The following KCND3 variants were observed in gnomAD, a reference collection of about 807,000 sequenced individuals.
KCND3 encodes the protein potassium voltage-gated channel subfamily D member 3, also known as A-type voltage-gated potassium channel KCND3.
In KCND3, 9 loss-of-function variants were observed where a neutral mutation model predicts 51.1. The observed-to-expected ratio is 0.18, with a 90% CI of 0.11 to 0.31. KCND3 has a LOEUF of 0.31. Ranked by LOEUF, KCND3 falls within the 10% of genes least tolerant of loss-of-function variation. The probability of loss-of-function intolerance (pLI) is 1.00; values close to 1 mark genes in which losing one functional copy is unlikely to be tolerated. For missense variants in KCND3, 526 were observed against 903.8 expected, an observed-to-expected ratio of 0.58 and a Z score of 5.36; for synonymous variants, 349 against 368.0, an observed-to-expected ratio of 0.95 and a Z score of 0.59.
At chr1:111,861,171 G>A (rs761521619) in intron 2 of KCND3, among the ~76,000 whole-genome samples, 17 of 152,142 alleles carry the variant, frequency 1.1e-4, no homozygotes, top group Non-Finnish European at 2.2e-4. Context: ...GAAGGGGGGC[G>A]GGGCGTGGGG....
At chr1:111,813,104 A>T (rs914301466) in intron 2 of KCND3, among the ~76,000 whole-genome samples, 1 of 152,014 alleles carries the variant, frequency 6.6e-6, no homozygotes, top group Non-Finnish European at 1.5e-5. Flanking sequence ...GCAGGTGAGG[A>T]GTTTGCCTGG....
At chr1:111,951,275 G>A (rs1348499456) in intron 2 of KCND3, among the ~76,000 whole-genome samples, 6 of 151,614 alleles carry the variant, frequency 4.0e-5, no homozygotes, top group Non-Finnish European at 5.9e-5. Context: ...ATCACTGCTG[G>A]TAAGTGGCCC....
chr1:111,911,267 A>G (rs939873378), intron 2 of KCND3, among the ~76,000 whole-genome samples: 1 of 152,206 alleles, frequency 6.6e-6, no homozygotes, highest in Non-Finnish European at 1.5e-5. Context: ...GATTAAAATG[A>G]TATGTTTCAG....
chr1:111,853,229 G>GAGGCAAGTCATTTCATCTT (rs1553247453), intron 2 of KCND3, among the ~76,000 whole-genome samples: 10 of 152,216 alleles, frequency 6.6e-5, no homozygotes, highest in Admixed American at 6.5e-4. Flanking sequence ...ATCACAACTT[G>GAGGCAAGTCATTTCATCTT]AGGCAAGTCA....
At chr1:111,830,499 G>T (rs1490786880) in intron 2 of KCND3, among the ~76,000 whole-genome samples, 1 of 152,190 alleles carries the variant, frequency 6.6e-6, no homozygotes, top group Non-Finnish European at 1.5e-5. Flanking sequence ...GGGCCCTTGA[G>T]TGCAAAATTT....
At chr1:111,986,003 A>G (rs1256681838) in intron 1 of KCND3, among the ~76,000 whole-genome samples, 1 of 152,258 alleles carries the variant, frequency 6.6e-6, no homozygotes, top group South Asian at 2.1e-4. Context: ...TAGAAGAGTC[A>G]GGAACACATC....
At chr1:111,809,941 C>A (rs766838659) in intron 2 of KCND3, among the ~76,000 whole-genome samples, 4 of 152,196 alleles carry the variant, frequency 2.6e-5, no homozygotes, top group Non-Finnish European at 1.5e-5. Flanking sequence ...TTTGGACCAA[C>A]CAAATGGTTT....
Position 111,780,211 on chromosome 1 carries a change from G to A in KCND3, c.1461+14C>T, listed in dbSNP as rs1264339099. On this transcript the variant is annotated intron_variant, in intron 5 of 7. Coordinates refer to ENST00000302127, the MANE Select transcript of KCND3 (RefSeq NM_001378969.1). This position sits in a 1 kb window ranked among gnomAD's most constrained non-coding sequence, Gnocchi z 4.2. ...TCAGCGATGAAAAGGAGGTGGCAAA[G>A]GGCTGGGACTCACAGTGGTTTTTTC... 1 of 1,573,784 alleles carries A rather than the reference G, an allele frequency of 6.4e-7. No individual in the cohort carries two copies. Among genetic ancestry groups the A allele is most frequent in the Admixed American group, 1.8e-5 (1 of 54,252 alleles).
intron 5 of KCND3, among the ~76,000 whole-genome samples, chr1:111,779,185 C>CTTCG: frequency 6.6e-6 from 1 of 152,164 alleles, no homozygotes; most frequent in Non-Finnish European, 1.5e-5. Flanking sequence ...CGAAGCCAGG[C>CTTCG]ATGGTGGTCT....
chr1:111,903,443 C>T (rs1670488378), intron 2 of KCND3, among the ~76,000 whole-genome samples: 1 of 152,212 alleles, frequency 6.6e-6, no homozygotes, highest in African/African-American at 2.4e-5. Flanking sequence ...CCAACTGTGG[C>T]CAAGCCTCCG....
intron 3 of KCND3, 132 bp downstream of exon 3, chr1:111,786,812 G>T: frequency 9.2e-7 from 1 of 1,083,348 alleles, no homozygotes; most frequent in Non-Finnish European, 1.4e-6. Context: ...GGAAGGGACT[G>T]AAGCTACCTT....
At position 111,957,944 on chromosome 1, in the gene KCND3, G is replaced by A. The variant is rs149545195; in HGVS notation, c.1106+23677C>T. Among the ~76,000 whole-genome samples the A allele has an allele frequency of 6.0e-4, 92 of 152,276 alleles. 2 individuals carry two copies. The East Asian group carries it at 0.014, about 24-fold the overall frequency. On this transcript the variant is annotated intron_variant, in intron 2 of 7. Transcript: ENST00000302127. ...AGGGCATGTTGGTGGGGTAAAAAGA[G>A]GGGGGAAAGCACTCTCCAGTTGAGG...
intron 2 of KCND3, among the ~76,000 whole-genome samples, chr1:111,928,451 C>A (rs980166388): frequency 6.6e-6 from 1 of 152,156 alleles, no homozygotes; most frequent in Non-Finnish European, 1.5e-5. Context: ...TGGAAAGCAG[C>A]GGGAATGAAG....
chr1:111,933,886 A>G (rs1402831778), intron 2 of KCND3, among the ~76,000 whole-genome samples: 1 of 152,232 alleles, frequency 6.6e-6, no homozygotes, highest in Non-Finnish European at 1.5e-5. Flanking sequence ...ATCTGTCTAC[A>G]CTGCCCAAGA....
intron 2 of KCND3, among the ~76,000 whole-genome samples, chr1:111,814,129 C>T (rs1046487112): frequency 6.6e-6 from 1 of 152,224 alleles, no homozygotes; most frequent in South Asian, 2.1e-4. Context: ...CAATCCAAGA[C>T]AGATCTGTGA....
At chr1:111,822,265 T>C (rs1571693936) in intron 2 of KCND3, among the ~76,000 whole-genome samples, 1 of 152,320 alleles carries the variant, frequency 6.6e-6, no homozygotes, top group Middle Eastern at 3.4e-3. Context: ...CTATGTGTGA[T>C]TTTTAGGCGT....
At chr1:111,973,950 A>G (rs1674482784) in intron 2 of KCND3, among the ~76,000 whole-genome samples, 1 of 152,188 alleles carries the variant, frequency 6.6e-6, no homozygotes, top group African/African-American at 2.4e-5. Flanking sequence ...GGTGGCACTT[A>G]TATTAAAATG....
At chr1:111,857,342 G>A (rs570335871) in intron 2 of KCND3, among the ~76,000 whole-genome samples, 4 of 152,272 alleles carry the variant, frequency 2.6e-5, no homozygotes, top group Non-Finnish European at 5.9e-5. Context: ...TTCTGCTTCT[G>A]TGCAGAGGGC....
At position 111,775,487 on chromosome 1, in the gene KCND3, GA is replaced by G. The variant is rs72548739; in HGVS notation, c.*589del. Reference sequence around the variant, plus strand: ...CCTAAAAGCTTTTGCTATAAAAGGAGAAAAAAAAATCCCTCACAAAATGCAT... The same window carrying G: ...CCTAAAAGCTTTTGCTATAAAAGGAGAAAAAAAATCCCTCACAAAATGCAT... On this transcript the variant is annotated 3_prime_UTR_variant, in exon 8 of 8. Coordinates refer to ENST00000302127, the MANE Select transcript of KCND3 (RefSeq NM_001378969.1). The G allele has an allele frequency of 5.3e-4, 84 of 159,278 alleles. No homozygotes were observed. In the South Asian group the frequency reaches 6.9e-3, roughly 13 times the overall value. The allele number at this position is 159,278 out of a possible 1,614,324, so 9.9% of individuals were successfully genotyped here.
Sources: allele counts gnomAD v4.1 joint callset (sites outside exome capture counted in the v4.1 genomes callset), GRCh38; gene constraint gnomAD v4.1.1; non-coding constraint Gnocchi (gnomAD v3.1); transcripts MANE v1.5; gene names NCBI Gene and HGNC (gene_info 2026-07-23, HGNC 2026-07-21).